The following TEX264 variants were observed in gnomAD, a reference collection of about 807,000 sequenced individuals.
The protein encoded by TEX264 is testis expressed 264, ER-phagy receptor.
In TEX264, 13 loss-of-function variants were observed where a neutral mutation model predicts 23.4. That is an observed-to-expected ratio of 0.56 (90% confidence interval 0.36 to 0.88). The LOEUF (loss-of-function observed/expected upper bound fraction) is 0.88. TEX264 is among the 40% of genes least tolerant of loss of function. The pLI is 0.01. For synonymous variants in TEX264, 159 were observed against 170.0 expected (o/e 0.94, Z 0.50); for missense variants, 340 against 406.8 (o/e 0.84, Z 1.41).
intron 3 of TEX264, among the ~76,000 whole-genome samples, chr3:51,693,384 T>G (rs1702899179): frequency 6.6e-6 from 1 of 151,796 alleles, no homozygotes; most frequent in Non-Finnish European, 1.5e-5. Context: ...CCCTGGCTCC[T>G]CTGCCATTCC....
rs1002824988 is a variant in TEX264, at chr3:51,703,676, G to T, written c.650-48G>T. The T allele has an allele frequency of 3.3e-6, 5 of 1,528,322 alleles. No homozygotes were observed. Among genetic ancestry groups the T allele is most frequent in the African/African-American group, 2.8e-5 (2 of 72,692 alleles). The allele number at this position is 1,528,322 out of a possible 1,614,324, so 94.7% of individuals were successfully genotyped here. ...GCTGAGTTGCCTCTCCCTGGAGGAG[G>T]GGGTGGGGTGGTCCTAGCTAACCTG... On this transcript the variant is annotated intron_variant, in intron 4 of 4. Transcript: ENST00000341333. The surrounding 1 kb of genome is among the most constrained non-coding windows in gnomAD (Gnocchi z 4.8).
In TEX264 at chr3:51,703,081, T is replaced by C. The variant is rs1244590277; in HGVS notation, c.650-643T>C. On this transcript the variant is annotated intron_variant, in intron 4 of 4. Transcript: ENST00000341333. The surrounding 1 kb of genome is among the most constrained non-coding windows in gnomAD (Gnocchi z 4.8). Reference sequence around the variant, plus strand: ...TGTTTCATCCCAGCACCCTCCTCCTTGCAGCTGGTTGAGTATTTCTCAGGC... The same window carrying C: ...TGTTTCATCCCAGCACCCTCCTCCTCGCAGCTGGTTGAGTATTTCTCAGGC... Among the ~76,000 whole-genome samples, 1 of 152,156 alleles carries C rather than the reference T, an allele frequency of 6.6e-6. No individual in the cohort carries two copies. The highest frequency in any genetic ancestry group is 2.4e-5 in the African/African-American group (1 of 41,440).
At chr3:51,689,288 G>C (rs1247392612) in intron 3 of TEX264, among the ~76,000 whole-genome samples, 1 of 151,818 alleles carries the variant, frequency 6.6e-6, no homozygotes, top group Non-Finnish European at 1.5e-5. Flanking sequence ...AAATTAGCTG[G>C]GCGTGGTGGC....
In TEX264 at chr3:51,691,515, G is replaced by C. The variant is rs1208108516; in HGVS notation, c.480+6881G>C. On this transcript the variant is annotated intron_variant, in intron 3 of 4. Transcript: ENST00000341333. This position sits in a 1 kb window ranked among gnomAD's most constrained non-coding sequence, Gnocchi z 4.4. ...CGCTGGGAAAGGCAAAACAACCCTTGTGCGGTGGTGGCATTTGGGCTGCAC... is the reference window on the plus strand; with the variant it reads ...CGCTGGGAAAGGCAAAACAACCCTTCTGCGGTGGTGGCATTTGGGCTGCAC... Among the ~76,000 whole-genome samples, 1 of 152,220 alleles carries C rather than the reference G, an allele frequency of 6.6e-6. No individual in the cohort carries two copies. The highest frequency in any genetic ancestry group is 1.5e-5 in the Non-Finnish European group (1 of 68,040).
intron 2 of TEX264, chr3:51,682,880 AG>A (rs2106936578): frequency 6.6e-6 from 1 of 152,330 alleles, no homozygotes; most frequent in Non-Finnish European, 1.5e-5. Flanking sequence ...TAGAAGTGAG[AG>A]CCTGGAATAG....
chr3:51,701,633 TTTTG>T lies in TEX264; in HGVS notation c.649+2071_649+2074del, dbSNP rs1290944865. Among the ~76,000 whole-genome samples, 22 of 151,956 alleles carry T rather than the reference TTTTG, an allele frequency of 1.4e-4. No homozygotes were observed. The East Asian group carries it at 2.3e-3, about 16-fold the overall frequency. ...CACCATGCCCAGCTGGATTCCTTTT[TTTTG>T]TTTGTTTGTTTTTAAAGACAGTTTT... is the stretch of plus-strand genomic sequence containing the variant. On this transcript the variant is annotated intron_variant, in intron 4 of 4. Transcript: ENST00000341333.
chr3:51,696,316 C>T (rs1223029537), intron 3 of TEX264, among the ~76,000 whole-genome samples: 3 of 152,166 alleles, frequency 2.0e-5, no homozygotes, highest in Admixed American at 6.5e-5. Flanking sequence ...CCCAGTGTGA[C>T]CTTGAGCTAG....
At chr3:51,675,458 C>T (rs556380637) in intron 2 of TEX264, among the ~76,000 whole-genome samples, 2 of 152,294 alleles carry the variant, frequency 1.3e-5, no homozygotes, top group South Asian at 2.1e-4. Context: ...GTGTGCTGAC[C>T]GGCTTACTGG....
intron 1 of TEX264, among the ~76,000 whole-genome samples, chr3:51,673,136 T>G (rs1702109495): frequency 6.6e-6 from 1 of 152,246 alleles, no homozygotes; most frequent in Non-Finnish European, 1.5e-5. Context: ...TCCACAGAGC[T>G]AAGTATTCCA....
chr3:51,699,289 G>A, intron 3 of TEX264, 117 bp from the exon 4 acceptor site: 15 of 1,088,406 alleles, frequency 1.4e-5, no homozygotes, highest in Non-Finnish European at 2.0e-5. Flanking sequence ...AAGAGGTTGA[G>A]AGGCAGAGCC....
chr3:51,690,012 G>T (rs967625383), intron 3 of TEX264, among the ~76,000 whole-genome samples: 5 of 152,200 alleles, frequency 3.3e-5, no homozygotes, highest in African/African-American at 1.2e-4. Flanking sequence ...AGGCCTGTGG[G>T]CCCCAGCAGA....
chr3:51,693,304 C>T (rs1460514827), intron 3 of TEX264, among the ~76,000 whole-genome samples: 3 of 152,092 alleles, frequency 2.0e-5, no homozygotes, highest in African/African-American at 7.2e-5. Flanking sequence ...CCGTCTCCCG[C>T]CCCATTCTCT....
Position 51,674,438 on chromosome 3 carries a change from A to G in TEX264, c.134A>G (p.Asn45Ser), listed in dbSNP as rs74561651. The change falls in exon 2 of 5, where the codon AAC (asparagine) becomes AGC (serine). Residue 45 changes from asparagine (N) to serine (S), a missense_variant. By Grantham distance (46) the Asn-to-Ser change is conservative. Coordinates refer to ENST00000341333, the MANE Select transcript of TEX264 (RefSeq NM_015926.6). ...AGTGCTGGGTCACCCCCCATCCGCA[A>G]CGTCACTGTGGCCTACAAGTTCCAC... ...EVSAGSPPIR[N>S]VTVAYKFHMG... 9.4e-5 allele frequency: 152 copies of G among 1,614,166 alleles called. 1 individual carries two copies. In the East Asian group the frequency reaches 3.0e-3, roughly 31 times the overall value.
At chr3:51,679,949 G>A (rs1702364209) in intron 2 of TEX264, among the ~76,000 whole-genome samples, 1 of 152,142 alleles carries the variant, frequency 6.6e-6, no homozygotes, top group Non-Finnish European at 1.5e-5. Context: ...TTGGGGGTTG[G>A]CGTGTTGACC....
chr3:51,677,706 G>C (rs991827630), intron 2 of TEX264, among the ~76,000 whole-genome samples: 1 of 152,212 alleles, frequency 6.6e-6, no homozygotes, highest in African/African-American at 2.4e-5. Context: ...CCAGGAAGTA[G>C]CACAAGAAAG....
chr3:51,678,588 G>A (rs1052443239), intron 2 of TEX264, among the ~76,000 whole-genome samples: 2 of 152,232 alleles, frequency 1.3e-5, no homozygotes, highest in Non-Finnish European at 2.9e-5. Context: ...CATGGAGTGG[G>A]TTGGGGAACT....
chr3:51,674,388 A>G lies in TEX264; in HGVS notation c.84A>G (p.Ser28=). 1 of 1,614,200 alleles carries G rather than the reference A, an allele frequency of 6.2e-7. No individual in the cohort carries two copies. The highest frequency in any genetic ancestry group is 8.5e-7 in the Non-Finnish European group (1 of 1,180,024). ...CGCTGCTGGCCTTTGCCGGGTACTC[A>G]GGGCTACTGGCTGGGGTGGAAGTGA... ...LLTLLAFAGY[S]GLLAGVEVSA... The change falls in exon 2 of 5, where the codon TCA becomes TCG. Residue 28 remains serine, a synonymous_variant. Coordinates refer to ENST00000341333, the MANE Select transcript of TEX264 (RefSeq NM_015926.6).
chr3:51,685,800 C>T (rs969463570), intron 3 of TEX264, among the ~76,000 whole-genome samples: 3 of 152,300 alleles, frequency 2.0e-5, no homozygotes, highest in African/African-American at 7.2e-5. Context: ...GTCATGAATC[C>T]CATTGTGAGT....
Position 51,673,790 on chromosome 3 carries a change from G to A in TEX264, c.-34-481G>A, listed in dbSNP as rs553138761. Among the ~76,000 whole-genome samples the A allele has an allele frequency of 3.5e-4, 53 of 152,308 alleles. No homozygotes were observed. The South Asian group carries it at 0.011, about 30-fold the overall frequency. ...GTTTCCCTGTCGTTAGTAAGTGTTT[G>A]GACCCTAGCATTTGCCAGTCCTCCC... is the stretch of plus-strand genomic sequence containing the variant. On this transcript the variant is annotated intron_variant, in intron 1 of 4. Transcript: ENST00000341333.
Sources: gnomAD v4.1 joint callset for allele counts (sites outside exome capture counted in the v4.1 genomes callset) on GRCh38, gnomAD v4.1.1 for gene constraint, Gnocchi (gnomAD v3.1) non-coding constraint, MANE v1.5 for transcripts, NCBI Gene and HGNC (gene_info 2026-07-23, HGNC 2026-07-21) for gene names.